LAMC2: variants seen among roughly 807,000 people sequenced by gnomAD.
LAMC2 encodes the protein laminin subunit gamma 2.
Under a neutral mutation model 140.2 loss-of-function variants are expected in LAMC2, and 97 were observed. The ratio of observed to expected loss-of-function variants is 0.69; its 90% CI spans 0.59 to 0.82. LAMC2 has a LOEUF of 0.82. LAMC2 is among the 40% of genes least tolerant of loss of function. LAMC2 has a pLI of 0.00. For missense variants in LAMC2, 1,402 were observed against 1,476.1 expected, an observed-to-expected ratio of 0.95 and a Z score of 0.82; for synonymous variants, 513 against 540.2, an observed-to-expected ratio of 0.95 and a Z score of 0.70.
chr1:183,256,752 C>A, the LAMC2 span, among the ~76,000 whole-genome samples: 1 of 152,020 alleles, frequency 6.6e-6, no homozygotes, highest in South Asian at 2.1e-4. Context: ...TATTGGCCTA[C>A]AGTTTTCTTT....
chr1:183,243,981 G>A lies in LAMC2; in HGVS notation c.*581G>A, dbSNP rs1206554826. On this transcript the variant is annotated 3_prime_UTR_variant, in exon 23 of 23. Transcript: ENST00000264144. ...TTTCAAGCTGGAAGAAGTGAGCAGT[G>A]TTGGAGTGAGGACCTGTAAGGCAGG... The A allele has an allele frequency of 6.0e-6, 1 of 165,936 alleles. No individual in the cohort carries two copies. The highest frequency in any genetic ancestry group is 1.3e-5 in the Non-Finnish European group (1 of 75,632). The allele number at this position is 165,936 out of a possible 1,614,324, so 10.3% of individuals were successfully genotyped here.
chr1:183,227,203 A>G (rs1295840819), intron 9 of LAMC2, among the ~76,000 whole-genome samples: 1 of 152,170 alleles, frequency 6.6e-6, no homozygotes, highest in Non-Finnish European at 1.5e-5. Flanking sequence ...GGGGAGATCA[A>G]AGACAAGTCC....
chr1:183,234,981 G>A (rs995314498), intron 15 of LAMC2, among the ~76,000 whole-genome samples: 4 of 152,314 alleles, frequency 2.6e-5, no homozygotes, highest in Middle Eastern at 3.4e-3. Flanking sequence ...TGCTCAGCAG[G>A]GTGGCAGGCT....
intron 14 of LAMC2, among the ~76,000 whole-genome samples, chr1:183,233,736 A>AT (rs959773366): frequency 8.9e-4 from 130 of 146,812 alleles, no homozygotes; most frequent in Middle Eastern, 3.4e-3. Flanking sequence ...TTTTATTTTT[A>AT]TTTTTTTTGG....
In LAMC2 at chr1:183,235,696, C is replaced by T. The variant is rs144355456; in HGVS notation, c.2422C>T (p.Pro808Ser). 1.9e-5 allele frequency: 30 copies of T among 1,614,192 alleles called. No individual in the cohort carries two copies. The highest frequency in any genetic ancestry group is 1.6e-4 in the Middle Eastern group (1 of 6,062). The part of the protein sequence containing the change: ...HEGVGSGSGS[P>S]DGAVVQGLVE... ...AGGAGTCGGAAGCGGAAGCGGTAGCCCGGACGGTGCTGTGGTGCAAGGGCT... is the reference window on the plus strand; with the variant it reads ...AGGAGTCGGAAGCGGAAGCGGTAGCTCGGACGGTGCTGTGGTGCAAGGGCT... Residue 808 changes from proline to serine, a missense_variant, in exon 16 of 23, where the codon CCG becomes TCG. By Grantham distance (74) the Pro-to-Ser change is moderately conservative. Transcript: ENST00000264144.
chr1:183,201,679 G>T (rs766947914), intron 1 of LAMC2, among the ~76,000 whole-genome samples: 4 of 152,272 alleles, frequency 2.6e-5, no homozygotes, highest in Non-Finnish European at 5.9e-5. Flanking sequence ...GGAGGCTGAG[G>T]CAGGTGGATC....
At chr1:183,237,969 G>A (rs1286907479) in intron 18 of LAMC2, among the ~76,000 whole-genome samples, 2 of 152,178 alleles carry the variant, frequency 1.3e-5, no homozygotes, top group African/African-American at 2.4e-5. Flanking sequence ...GTTCCACCCA[G>A]TCGGTCAGCC....
At chr1:183,252,764 A>G in the LAMC2 span, 151 of 1,578,174 alleles carry the variant, frequency 9.6e-5, no homozygotes, top group East Asian at 3.3e-3. Flanking sequence ...AGAGATGACA[A>G]TCAGATGGAC....
At chr1:183,231,439 T>C (rs10911289) in intron 12 of LAMC2, among the ~76,000 whole-genome samples, 4 of 152,204 alleles carry the variant, frequency 2.6e-5, no homozygotes, top group African/African-American at 9.7e-5. Context: ...TTTTTCAAAG[T>C]GATATGGGTA....
intron 8 of LAMC2, 33 bp downstream of exon 8, chr1:183,225,753 CT>C: frequency 7.0e-7 from 1 of 1,428,670 alleles, no homozygotes. Flanking sequence ...TTTCTTTCTT[CT>C]TAGGTGTTAG....
At chr1:183,198,924 A>G (rs1033003585) in intron 1 of LAMC2, among the ~76,000 whole-genome samples, 7 of 152,064 alleles carry the variant, frequency 4.6e-5, no homozygotes, top group Admixed American at 3.9e-4. Context: ...TCCTCTCACA[A>G]TTCTTTCTGT....
At chr1:183,254,024 T>C in the LAMC2 span, among the ~76,000 whole-genome samples, 1 of 152,154 alleles carries the variant, frequency 6.6e-6, no homozygotes, top group African/African-American at 2.4e-5. Context: ...TCTTGGCTAC[T>C]GTGAATAATG....
At chr1:183,241,432 C>T (rs1021566077) in intron 22 of LAMC2, among the ~76,000 whole-genome samples, 4 of 151,986 alleles carry the variant, frequency 2.6e-5, no homozygotes, top group Non-Finnish European at 5.9e-5. Flanking sequence ...GATGGCACAG[C>T]GTGGAAGAAA....
At chr1:183,257,326 A>G in the LAMC2 span, among the ~76,000 whole-genome samples, 2 of 152,002 alleles carry the variant, frequency 1.3e-5, no homozygotes, top group African/African-American at 4.8e-5. Flanking sequence ...CTGTAATCCC[A>G]GCTACTTGGG....
chr1:183,232,550 G>A (rs1475508899), intron 13 of LAMC2, 102 bp from the exon 14 acceptor site: 1 of 1,189,852 alleles, frequency 8.4e-7, no homozygotes, highest in Non-Finnish European at 1.2e-6. Flanking sequence ...TCTCTATTGG[G>A]TTTTTGTCAT....
chr1:183,240,546 A>G (rs1016041215), intron 22 of LAMC2, 155 bp downstream of exon 22: 6 of 1,452,204 alleles, frequency 4.1e-6, no homozygotes, highest in Non-Finnish European at 5.4e-6. Flanking sequence ...AACTTTCGGC[A>G]GGTTCCCTTA....
chr1:183,239,917 A>C, intron 20 of LAMC2, 123 bp from the exon 21 acceptor site: 20 of 1,018,236 alleles, frequency 2.0e-5, no homozygotes, highest in African/African-American at 3.2e-5. Flanking sequence ...TTCTCTCATT[A>C]TTCATCTAAT....
At chr1:183,211,379 T>C (rs868266515) in intron 2 of LAMC2, among the ~76,000 whole-genome samples, 3 of 152,254 alleles carry the variant, frequency 2.0e-5, no homozygotes, top group South Asian at 2.1e-4. Context: ...GCTTACAGTG[T>C]ATTATTCAGA....
intron 1 of LAMC2, among the ~76,000 whole-genome samples, chr1:183,192,847 G>A (rs1658388963): frequency 6.6e-6 from 1 of 152,104 alleles, no homozygotes; most frequent in African/African-American, 2.4e-5. Flanking sequence ...TGGGACTTTA[G>A]GGGTGCACCA....
Sources: allele counts gnomAD v4.1 joint callset (sites outside exome capture counted in the v4.1 genomes callset), GRCh38; gene constraint gnomAD v4.1.1; transcripts MANE v1.5; gene names NCBI Gene and HGNC (gene_info 2026-07-23, HGNC 2026-07-21).